Variants in AP3S1 observed in about 807,000 individuals in gnomAD.
The protein encoded by AP3S1 is AP-3 complex subunit sigma-1.
In AP3S1, 12 loss-of-function variants were observed where a neutral mutation model predicts 21.3. That is an observed-to-expected ratio of 0.56 (90% CI 0.36 to 0.91). AP3S1 has a LOEUF of 0.91. AP3S1 is among the 40% of genes least tolerant of loss of function. AP3S1 has a pLI of 0.01. For missense variants in AP3S1, 116 were observed against 225.0 expected (o/e 0.52, Z 3.10); for synonymous variants, 48 against 78.4 (o/e 0.61, Z 2.05).
At chr5:115,865,294 G>A (rs904103783) in intron 1 of AP3S1, among the ~76,000 whole-genome samples, 5 of 152,110 alleles carry the variant, frequency 3.3e-5, no homozygotes, top group African/African-American at 1.2e-4. Context: ...CTTTTCTCTA[G>A]CTTACTTTAA....
intron 3 of AP3S1, among the ~76,000 whole-genome samples, chr5:115,884,646 C>G (rs896906886): frequency 6.6e-6 from 1 of 152,198 alleles, no homozygotes; most frequent in Non-Finnish European, 1.5e-5. Context: ...AAAGCCTAGT[C>G]TGTTAAGTAT....
intron 1 of AP3S1, among the ~76,000 whole-genome samples, chr5:115,850,657 G>A (rs546320474): frequency 9.2e-4 from 140 of 152,202 alleles, no homozygotes; most frequent in Middle Eastern, 3.4e-3. Context: ...GCACGTCTTC[G>A]AAGTTCACTC....
chr5:115,883,606 C>T (rs562962693), intron 3 of AP3S1, among the ~76,000 whole-genome samples: 5 of 152,314 alleles, frequency 3.3e-5, no homozygotes, highest in Admixed American at 6.5e-5. Flanking sequence ...CCGCCTTCTG[C>T]GTTGATCTCG....
chr5:115,890,396 C>A (rs2112531039), intron 3 of AP3S1, among the ~76,000 whole-genome samples: 1 of 152,230 alleles, frequency 6.6e-6, no homozygotes, highest in South Asian at 2.1e-4. Flanking sequence ...AGAAGCCACT[C>A]ACAAAAGAGC....
intron 5 of AP3S1, chr5:115,906,792 C>T (rs951122081): frequency 3.9e-5 from 58 of 1,475,302 alleles, no homozygotes; most frequent in Non-Finnish European, 5.2e-5. Flanking sequence ...CCTGATCTTT[C>T]TAGCTCTTTC....
intron 2 of AP3S1, among the ~76,000 whole-genome samples, chr5:115,867,990 A>G (rs921370923): frequency 5.9e-5 from 9 of 152,142 alleles, no homozygotes. Flanking sequence ...TTTGTCACTA[A>G]CTAGCTGATT....
At chr5:115,851,267 A>G (rs1762419334) in intron 1 of AP3S1, among the ~76,000 whole-genome samples, 1 of 152,168 alleles carries the variant, frequency 6.6e-6, no homozygotes, top group African/African-American at 2.4e-5. Flanking sequence ...TTTGGCTATT[A>G]TGAATAATGC....
intron 1 of AP3S1, 106 bp downstream of exon 1, chr5:115,842,212 T>A (rs1023746196): frequency 2.5e-5 from 35 of 1,416,282 alleles, no homozygotes; most frequent in Non-Finnish European, 3.1e-5. Context: ...CTGCGGCCCT[T>A]GTCCCGTCCC....
intron 3 of AP3S1, among the ~76,000 whole-genome samples, chr5:115,881,800 A>G (rs574213886): frequency 1.3e-5 from 2 of 152,238 alleles, no homozygotes; most frequent in African/African-American, 4.8e-5. Context: ...GTGTTTTCCA[A>G]CTTGGTTCCA....
chr5:115,852,943 G>A (rs560627553), intron 1 of AP3S1: 83 of 441,010 alleles, frequency 1.9e-4, no homozygotes, highest in African/African-American at 1.6e-3. Flanking sequence ...ATTCATGTAT[G>A]AATTTTTCTG....
At position 115,906,532 on chromosome 5, in the gene AP3S1, G is replaced by A. The variant is rs57751867; in HGVS notation, c.453+3540G>A. 7.1e-3 allele frequency among the ~76,000 whole-genome samples: 1,084 copies of A among 152,158 alleles called. 15 individuals carry two copies. The highest frequency in any genetic ancestry group is 0.025 in the African/African-American group (1,051 of 41,506). ...ATCTATTCTATTTTGATAGAAAAAT[G>A]GTTTACTATAACATTGGAATATTGG... On this transcript the variant is annotated intron_variant, in intron 5 of 5. Transcript: ENST00000316788.
chr5:115,882,097 C>T (rs943885180), intron 3 of AP3S1, among the ~76,000 whole-genome samples: 1 of 151,870 alleles, frequency 6.6e-6, no homozygotes, highest in Non-Finnish European at 1.5e-5. Flanking sequence ...TTAGCAATTC[C>T]TCTGACCTTT....
chr5:115,902,959 A>G lies in AP3S1; in HGVS notation c.420A>G (p.Gln140=), dbSNP rs1751341611. The G allele has an allele frequency of 1.9e-6, 3 of 1,613,790 alleles. No homozygotes were observed. Among genetic ancestry groups the G allele is most frequent in the African/African-American group, 1.3e-5 (1 of 74,936 alleles). ...CAAATATGAATGAGATTGTTACACA[A>G]ATTGATGCACAAAATAAGCTGGAAA... ...LETNMNEIVT[Q]IDAQNKLEKS... Residue 140 remains glutamine, a synonymous_variant, in exon 5 of 6, where the codon CAA becomes CAG. Coordinates refer to ENST00000316788, the MANE Select transcript of AP3S1 (RefSeq NM_001284.4).
intron 4 of AP3S1, among the ~76,000 whole-genome samples, chr5:115,896,950 T>G (rs558149360): frequency 1.4e-4 from 21 of 152,300 alleles, no homozygotes; most frequent in African/African-American, 4.6e-4. Context: ...TTCTTATATT[T>G]TTTTTACTAG....
intron 1 of AP3S1, among the ~76,000 whole-genome samples, chr5:115,842,764 A>T (rs574976264): frequency 9.8e-5 from 15 of 152,334 alleles, no homozygotes; most frequent in Non-Finnish European, 2.2e-4. Context: ...AAAGGAAGAT[A>T]TGTGAGGACC....
intron 5 of AP3S1, among the ~76,000 whole-genome samples, chr5:115,910,551 C>T (rs1301027063): frequency 1.3e-5 from 2 of 151,658 alleles, no homozygotes; most frequent in African/African-American, 4.8e-5. Flanking sequence ...TACTTCATAC[C>T]TCTGTGTCAG....
In AP3S1 at chr5:115,868,393, C is replaced by G. The variant is rs147162757; in HGVS notation, c.162-1624C>G. Among the ~76,000 whole-genome samples, 64 of 152,202 alleles carry G rather than the reference C, an allele frequency of 4.2e-4. No individual in the cohort carries two copies. In the East Asian group the frequency reaches 0.012, roughly 28 times the overall value. On this transcript the variant is annotated intron_variant, in intron 2 of 5. Coordinates refer to ENST00000316788, the MANE Select transcript of AP3S1 (RefSeq NM_001284.4). ...TGCAGTCATAGTCTGTAAATATACTCTCAGAATCTTTAAATTGCATGTAGA... is the reference window on the plus strand; with the variant it reads ...TGCAGTCATAGTCTGTAAATATACTGTCAGAATCTTTAAATTGCATGTAGA...
At chr5:115,847,940 G>A (rs889522117) in intron 1 of AP3S1, among the ~76,000 whole-genome samples, 1 of 152,030 alleles carries the variant, frequency 6.6e-6, no homozygotes, top group Non-Finnish European at 1.5e-5. Flanking sequence ...ATGCTTATAC[G>A]TTCACAGTTT....
chr5:115,879,201 C>T lies in AP3S1; in HGVS notation c.273+9073C>T, dbSNP rs191692178. On this transcript the variant is annotated intron_variant, in intron 3 of 5. Coordinates refer to ENST00000316788, the MANE Select transcript of AP3S1 (RefSeq NM_001284.4). ...GAATACAGTTTATTTCTTTCTCTTG[C>T]CTGATTGCCCTGGCCAGAACTTCCA... 6.9e-3 allele frequency among the ~76,000 whole-genome samples: 1,057 copies of T among 152,292 alleles called. 13 individuals carry two copies. The highest frequency in any genetic ancestry group is 0.025 in the African/African-American group (1,029 of 41,568).
Sources: gnomAD v4.1 joint callset for allele counts (sites outside exome capture counted in the v4.1 genomes callset) on GRCh38, gnomAD v4.1.1 for gene constraint, MANE v1.5 for transcripts, NCBI Gene and HGNC (gene_info 2026-07-23, HGNC 2026-07-21) for gene names.